ARID1B: variants seen among roughly 807,000 people sequenced by gnomAD.
ARID1B encodes AT-rich interaction domain 1B, also known as AT-rich interactive domain-containing protein 1B.
Under a neutral mutation model 212.3 loss-of-function variants are expected in ARID1B, and 30 were observed. That is an observed-to-expected ratio of 0.14 (90% CI 0.11 to 0.19). The LOEUF is 0.19. ARID1B is among the 10% of genes least tolerant of loss of function. The pLI is 1.00. For missense variants in ARID1B, 2,891 were observed against 3,204.0 expected (o/e 0.90, Z 2.36); for synonymous variants, 1,402 against 1,301.7 (o/e 1.08, Z -1.66).
At chr6:157,027,751 T>C (rs1780750594) in intron 4 of ARID1B, among the ~76,000 whole-genome samples, 1 of 152,226 alleles carries the variant, frequency 6.6e-6, no homozygotes. Context: ...GCCTCTATCT[T>C]GGGGATGGCC....
chr6:157,089,166 C>G (rs1484259794), intron 5 of ARID1B, among the ~76,000 whole-genome samples: 1 of 152,166 alleles, frequency 6.6e-6, no homozygotes, highest in African/African-American at 2.4e-5. Context: ...GCAGGGGATT[C>G]TTCCTGATGT....
intron 4 of ARID1B, among the ~76,000 whole-genome samples, chr6:157,002,344 T>C (rs1340958505): frequency 1.3e-5 from 2 of 152,264 alleles, no homozygotes; most frequent in Non-Finnish European, 2.9e-5. Flanking sequence ...TACTCTCTGC[T>C]TACTGTTTTA....
chr6:157,178,871 A>T (rs1043899004), intron 11 of ARID1B, among the ~76,000 whole-genome samples: 1 of 152,226 alleles, frequency 6.6e-6, no homozygotes, highest in African/African-American at 2.4e-5. Context: ...TCATGATTCT[A>T]TTCATCCAGA....
intron 5 of ARID1B, among the ~76,000 whole-genome samples, chr6:157,093,300 G>A (rs1190141320): frequency 1.3e-5 from 2 of 152,136 alleles, no homozygotes. Context: ...ATTGTGGAAG[G>A]AACAAAACCA....
intron 7 of ARID1B, chr6:157,140,465 G>A: frequency 2.6e-6 from 1 of 387,722 alleles, no homozygotes; most frequent in Non-Finnish European, 4.6e-6. Context: ...GTGAGACCTT[G>A]TCTCGATAAA....
Position 157,206,254 on chromosome 6 carries a change from G to A in ARID1B, c.5482G>A (p.Asp1828Asn), listed in dbSNP as rs747758337. ...AATTCTTATGGAATATGAAGTGGGA[G>A]ACCCCAGCCAAAAAGCACTTGATCA... ...FGILMEYEVG[D>N]PSQKALDHNA... The change falls in exon 20 of 20, where the codon GAC (aspartate) becomes AAC (asparagine). Residue 1828 changes from aspartate to asparagine, a missense_variant. Transcript: ENST00000636930. This position sits in a 1 kb window ranked among gnomAD's most constrained non-coding sequence, Gnocchi z 6.8. The A allele has an allele frequency of 6.2e-7, 1 of 1,614,138 alleles. No individual in the cohort carries two copies.
In ARID1B at chr6:157,203,575, T is replaced by G; in HGVS notation, c.5264-291T>G. ...GACTCTGTAGGGTGGCTGAAAGAAA[T>G]AACCCGGCCATGAGAAAGGACCATC... On this transcript the variant is annotated intron_variant, in intron 18 of 19. Coordinates refer to ENST00000636930, the MANE Select transcript of ARID1B (RefSeq NM_001374828.1). This position sits in a 1 kb window ranked among gnomAD's most constrained non-coding sequence, Gnocchi z 4.4. 1.1e-5 allele frequency: 4 copies of G among 360,108 alleles called. No homozygotes were observed. The South Asian group carries it at 1.3e-4, about 12-fold the overall frequency. 22.3% of individuals were successfully genotyped at this position (360,108 alleles called of 1,614,324 possible).
rs779930852 is a variant in ARID1B at position 157,207,939 on chromosome 6, T to C, written c.*48T>C. On this transcript the variant is annotated 3_prime_UTR_variant, in exon 20 of 20. Coordinates refer to ENST00000636930, the MANE Select transcript of ARID1B (RefSeq NM_001374828.1). This position sits in a 1 kb window ranked among gnomAD's most constrained non-coding sequence, Gnocchi z 8.5. The stretch of plus-strand genomic sequence containing the variant: ...TGTGAGTGAAGATTAGAGGGTCACA[T>C]ATAACTGGCTGTTTTCTGTTCTTGT... 2.1e-6 allele frequency: 3 copies of C among 1,427,950 alleles called. No individual in the cohort carries two copies. Among genetic ancestry groups the C allele is most frequent in the Non-Finnish European group, 2.8e-6 (3 of 1,088,204 alleles). The allele number at this position is 1,427,950 out of a possible 1,614,324, so 88.5% of individuals were successfully genotyped here. A position where few individuals can be genotyped will look rare whatever the true frequency, so the allele number is the denominator to read the frequency against.
intron 3 of ARID1B, among the ~76,000 whole-genome samples, chr6:156,910,376 G>A (rs1306353393): frequency 6.6e-6 from 1 of 152,192 alleles, no homozygotes; most frequent in Non-Finnish European, 1.5e-5. Flanking sequence ...TAGTGGGGTT[G>A]CAAGCTCTTA....
chr6:156,909,169 A>T (rs922348637), intron 3 of ARID1B, among the ~76,000 whole-genome samples: 1 of 119,912 alleles, frequency 8.3e-6, no homozygotes, highest in Admixed American at 1.2e-4. Context: ...TCTGTCGCCC[A>T]GGCTGGAGTG....
chr6:156,962,343 C>T (rs1435557733), intron 4 of ARID1B, among the ~76,000 whole-genome samples: 2 of 152,176 alleles, frequency 1.3e-5, no homozygotes, highest in Non-Finnish European at 2.9e-5. Context: ...CAATATTTTC[C>T]TCTTTTGCCT....
intron 6 of ARID1B, among the ~76,000 whole-genome samples, chr6:157,122,050 G>A (rs990878754): frequency 1.3e-5 from 2 of 152,178 alleles, no homozygotes; most frequent in African/African-American, 4.8e-5. Context: ...ACAGGGACAT[G>A]TTTTAGAAAT....
At chr6:157,129,834 T>G (rs1230272893) in intron 6 of ARID1B, among the ~76,000 whole-genome samples, 1 of 152,198 alleles carries the variant, frequency 6.6e-6, no homozygotes, top group Non-Finnish European at 1.5e-5. Context: ...GAACAAACCT[T>G]AAGCCTATAA....
intron 8 of ARID1B, among the ~76,000 whole-genome samples, chr6:157,155,312 G>C (rs1437857336): frequency 6.6e-6 from 1 of 152,192 alleles, no homozygotes; most frequent in Non-Finnish European, 1.5e-5. Flanking sequence ...ATTGTGAATT[G>C]TGAATTGTGG....
intron 15 of ARID1B, among the ~76,000 whole-genome samples, chr6:157,191,311 C>T (rs968744602): frequency 6.6e-6 from 1 of 151,782 alleles, no homozygotes; most frequent in Non-Finnish European, 1.5e-5. Flanking sequence ...AGAAGCTAAC[C>T]GTGACTGGGC....
intron 4 of ARID1B, among the ~76,000 whole-genome samples, chr6:157,005,549 A>C (rs1307802039): frequency 2.0e-5 from 3 of 152,206 alleles, no homozygotes; most frequent in Non-Finnish European, 4.4e-5. Context: ...TTGTAGCTAA[A>C]GATGAAAAGC....
chr6:156,814,468 G>A (rs925934430), intron 1 of ARID1B, among the ~76,000 whole-genome samples: 3 of 152,154 alleles, frequency 2.0e-5, no homozygotes, highest in African/African-American at 7.2e-5. Flanking sequence ...AGTTCAAGGT[G>A]TCTTATTTAA....
chr6:156,859,348 C>T (rs1785167923), intron 2 of ARID1B, among the ~76,000 whole-genome samples: 1 of 152,146 alleles, frequency 6.6e-6, no homozygotes, highest in Non-Finnish European at 1.5e-5. Context: ...GTAAATGAAT[C>T]AGAATTGTCT....
intron 4 of ARID1B, among the ~76,000 whole-genome samples, chr6:156,993,085 C>T (rs7768517): frequency 0.034 from 5,193 of 150,576 alleles, 290 homozygotes; most frequent in African/African-American, 0.12. Flanking sequence ...TCTCTGTGGC[C>T]AGGCTGGAGT....
Sources: gnomAD v4.1 joint callset for allele counts (sites outside exome capture counted in the v4.1 genomes callset) on GRCh38, gnomAD v4.1.1 for gene constraint, Gnocchi (gnomAD v3.1) non-coding constraint, MANE v1.5 for transcripts, NCBI Gene and HGNC (gene_info 2026-07-23, HGNC 2026-07-21) for gene names.